Variants in HECW2 observed in about 807,000 individuals in gnomAD.
The protein encoded by HECW2 is HECT, C2 and WW domain containing E3 ubiquitin protein ligase 2.
In HECW2, 61 loss-of-function variants were observed where a neutral mutation model predicts 175.2. The ratio of observed to expected loss-of-function variants is 0.35; its 90% confidence interval spans 0.28 to 0.43. HECW2 has a LOEUF of 0.43. Among genes scored for constraint, HECW2 ranks in the 20% least tolerant of loss-of-function variants. The pLI is 1.00. For missense variants in HECW2, 1,524 were observed against 2,000.5 expected (o/e 0.76, Z 4.54); for synonymous variants, 671 against 731.0 (o/e 0.92, Z 1.32).
chr2:196,414,885 G>T (rs796773977), intron 2 of HECW2, among the ~76,000 whole-genome samples: 1 of 152,324 alleles, frequency 6.6e-6, no homozygotes, highest in African/African-American at 2.4e-5. Flanking sequence ...GGAGTCTTCA[G>T]GTGTGGGTCG....
intron 1 of HECW2, among the ~76,000 whole-genome samples, chr2:196,540,831 T>C (rs1407986174): frequency 2.6e-5 from 4 of 152,208 alleles, no homozygotes; most frequent in Non-Finnish European, 4.4e-5. Context: ...ATATTTTTAA[T>C]CACTACACTT....
Position 196,200,684 on chromosome 2 carries a change from A to G in HECW2, c.*593T>C, listed in dbSNP as rs941154555. 1 of 152,724 alleles carries G rather than the reference A, an allele frequency of 6.5e-6. No homozygotes were observed. The highest frequency in any genetic ancestry group is 1.9e-4 in the East Asian group (1 of 5,194). The allele number at this position is 152,724 out of a possible 1,614,324, so 9.5% of individuals were successfully genotyped here. A position where few individuals can be genotyped will look rare whatever the true frequency, so the allele number is the denominator to read the frequency against. The stretch of plus-strand genomic sequence containing the variant: ...ACTTGCATATACATTGTCACAGACC[A>G]TCTTATTGCAAATCTGTAAAGGTAC... On this transcript the variant is annotated 3_prime_UTR_variant, in exon 29 of 29. Coordinates refer to ENST00000644978, the MANE Select transcript of HECW2 (RefSeq NM_001348768.2).
intron 17 of HECW2, 110 bp from the exon 18 acceptor site, chr2:196,258,016 T>C (rs1320438845): frequency 4.1e-6 from 3 of 733,050 alleles, no homozygotes; most frequent in African/African-American, 1.7e-5. Context: ...GTACCTATTA[T>C]GTGGCAGCTA....
At chr2:196,380,303 T>C (rs1213771828) in intron 2 of HECW2, among the ~76,000 whole-genome samples, 5 of 152,240 alleles carry the variant, frequency 3.3e-5, no homozygotes, top group African/African-American at 1.2e-4. Context: ...TTTTACTTCC[T>C]GCTTGCACAG....
chr2:196,195,574 T>C lies in HECW2; in HGVS notation c.*5703A>G, dbSNP rs1198348488. 7 of 152,206 alleles carry C rather than the reference T, an allele frequency of 4.6e-5. No homozygotes were observed. Among genetic ancestry groups the C allele is most frequent in the African/African-American group, 1.7e-4 (7 of 41,442 alleles). 9.4% of individuals were successfully genotyped at this position (152,206 alleles called of 1,614,324 possible). ...TTGGAAACACTAATTTAGTCTCCATTTGCAACCTCACTCTTAGGATTTCAC... is the reference window on the plus strand; with the variant it reads ...TTGGAAACACTAATTTAGTCTCCATCTGCAACCTCACTCTTAGGATTTCAC... On this transcript the variant is annotated 3_prime_UTR_variant, in exon 29 of 29. Transcript: ENST00000644978.
Position 196,458,635 on chromosome 2 carries a change from A to T in HECW2, c.-35-25177T>A, listed in dbSNP as rs1696613380. On this transcript the variant is annotated intron_variant, in intron 1 of 28. Coordinates refer to ENST00000644978, the MANE Select transcript of HECW2 (RefSeq NM_001348768.2). ...GTAATCCCAGCACTTTGGGAGCCCG[A>T]GGCGGGTGGATCACGAGGTCAAGAG... is the stretch of plus-strand genomic sequence containing the variant. 5.3e-5 allele frequency among the ~76,000 whole-genome samples: 8 copies of T among 152,338 alleles called. No homozygotes were observed. The South Asian group carries it at 1.7e-3, about 32-fold the overall frequency.
At position 196,231,208 on chromosome 2, in the gene HECW2, G is replaced by T. The variant is rs533470014; in HGVS notation, c.3765-2954C>A. On this transcript the variant is annotated intron_variant, in intron 21 of 28. Coordinates refer to ENST00000644978, the MANE Select transcript of HECW2 (RefSeq NM_001348768.2). Reference sequence around the variant, plus strand: ...CTTTTAGAAACAGAGCATGCCCGTGGTCAAAGTCATCTTAGAAGTCATTTT... The same window carrying T: ...CTTTTAGAAACAGAGCATGCCCGTGTTCAAAGTCATCTTAGAAGTCATTTT... 2.0e-5 allele frequency among the ~76,000 whole-genome samples: 3 copies of T among 151,684 alleles called. No individual in the cohort carries two copies. The East Asian group carries it at 5.8e-4, about 29-fold the overall frequency.
chr2:196,422,349 TG>T, intron 2 of HECW2, among the ~76,000 whole-genome samples: 1 of 152,256 alleles, frequency 6.6e-6, no homozygotes, highest in South Asian at 2.1e-4. Flanking sequence ...TGCTGAACAA[TG>T]AGCTCTGAGC....
chr2:196,249,316 G>A (rs76645042), intron 19 of HECW2, among the ~76,000 whole-genome samples: 5,895 of 152,184 alleles, frequency 0.039, 162 homozygotes, highest in Middle Eastern at 0.065. Context: ...CATTATAATG[G>A]TCCTAGAAAA....
At chr2:196,423,715 T>TGTGTGTGTGTGTGTGTGTGTGTGTG (rs1553516070) in intron 2 of HECW2, among the ~76,000 whole-genome samples, 1 of 151,478 alleles carries the variant, frequency 6.6e-6, no homozygotes, top group Non-Finnish European at 1.5e-5. Context: ...TGTGTGTGTG[T>TGTGTGTGTGTGTGTGTGTGTGTGTG]TTATCACATT....
chr2:196,381,243 G>A (rs974963583), intron 2 of HECW2, among the ~76,000 whole-genome samples: 3 of 152,148 alleles, frequency 2.0e-5, no homozygotes, highest in African/African-American at 7.2e-5. Context: ...TCACGTCACT[G>A]AGTCTAAGGA....
rs3082071 is a variant in HECW2 at position 196,340,595 on chromosome 2, C to CAA, written c.400+3060_400+3061dup. ...TGGGAGACGCAGCAAGACTCCGTCT[C>CAA]AAAAAAAAAAAAAAAAAAAAAAAAA... is the stretch of plus-strand genomic sequence containing the variant. On this transcript the variant is annotated intron_variant, in intron 3 of 28. Transcript: ENST00000644978. 3.5e-3 allele frequency among the ~76,000 whole-genome samples: 235 copies of CAA among 66,922 alleles called. 9 individuals carry two copies. The highest frequency in any genetic ancestry group is 0.016 in the Middle Eastern group (2 of 124). The allele number at this position is 66,922 out of a possible 152,430, so 43.9% of individuals were successfully genotyped here.
At chr2:196,244,296 C>A (rs1391503172) in intron 19 of HECW2, among the ~76,000 whole-genome samples, 3 of 152,184 alleles carry the variant, frequency 2.0e-5, no homozygotes, top group Non-Finnish European at 4.4e-5. Flanking sequence ...CAAAGCTATA[C>A]CCCTGGGGCT....
At chr2:196,409,625 T>C (rs914014797) in intron 2 of HECW2, among the ~76,000 whole-genome samples, 1 of 152,176 alleles carries the variant, frequency 6.6e-6, no homozygotes, top group Admixed American at 6.5e-5. Flanking sequence ...GAAAGAAAGT[T>C]TCAGACAGCC....
At chr2:196,425,428 A>C (rs1010965151) in intron 2 of HECW2, among the ~76,000 whole-genome samples, 6 of 152,112 alleles carry the variant, frequency 3.9e-5, no homozygotes, top group Non-Finnish European at 7.4e-5. Context: ...TCTCTGATGA[A>C]TCTGGGCAAA....
chr2:196,380,315 G>A (rs549892853), intron 2 of HECW2, among the ~76,000 whole-genome samples: 40 of 152,316 alleles, frequency 2.6e-4, no homozygotes, highest in African/African-American at 9.1e-4. Context: ...CTTGCACAGA[G>A]CCTGAAGGTC....
At chr2:196,549,564 C>T (rs564203414) in intron 1 of HECW2, among the ~76,000 whole-genome samples, 1 of 151,550 alleles carries the variant, frequency 6.6e-6, no homozygotes, top group East Asian at 1.9e-4. Flanking sequence ...CTGGTCAACA[C>T]TACATTTTCT....
At chr2:196,406,833 C>G (rs990187607) in intron 2 of HECW2, among the ~76,000 whole-genome samples, 1 of 152,234 alleles carries the variant, frequency 6.6e-6, no homozygotes, top group Non-Finnish European at 1.5e-5. Flanking sequence ...GCCTAAACAT[C>G]ACCTTGCAGA....
At chr2:196,262,497 T>G (rs1168145929) in intron 17 of HECW2, among the ~76,000 whole-genome samples, 2 of 152,196 alleles carry the variant, frequency 1.3e-5, no homozygotes, top group East Asian at 3.9e-4. Flanking sequence ...CACCTTCTGA[T>G]TTGGCTAGTG....
Sources: gnomAD v4.1 joint callset for allele counts (sites outside exome capture counted in the v4.1 genomes callset) on GRCh38, gnomAD v4.1.1 for gene constraint, MANE v1.5 for transcripts, NCBI Gene and HGNC (gene_info 2026-07-23, HGNC 2026-07-21) for gene names.